The following CNTNAP5 variants were observed in gnomAD, a reference collection of about 807,000 sequenced individuals.
CNTNAP5 encodes contactin associated protein family member 5, also known as contactin-associated protein-like 5.
A neutral mutation model predicts 150.2 loss-of-function variants in CNTNAP5; 72 were observed. The observed-to-expected ratio is 0.48, with a 90% CI of 0.40 to 0.58. CNTNAP5 has a LOEUF of 0.58. Among genes scored for constraint, CNTNAP5 ranks in the 20% least tolerant of loss-of-function variants. The pLI is 0.00. For synonymous variants in CNTNAP5, 672 were observed against 619.8 expected (o/e 1.08, Z -1.25); for missense variants, 1,636 against 1,626.2 (o/e 1.01, Z -0.10).
intron 13 of CNTNAP5, among the ~76,000 whole-genome samples, chr2:124,659,956 A>G (rs1006690035): frequency 7.9e-5 from 12 of 152,030 alleles, no homozygotes; most frequent in Non-Finnish European, 1.6e-4. Context: ...GGAATAAAAC[A>G]GTTAAAAGTT....
intron 13 of CNTNAP5, among the ~76,000 whole-genome samples, chr2:124,729,110 T>C (rs1353330424): frequency 6.6e-6 from 1 of 151,990 alleles, no homozygotes; most frequent in Admixed American, 6.6e-5. Context: ...AGTCATGTAA[T>C]GTCACATCAA....
At chr2:124,880,620 G>A (rs1484002461) in intron 21 of CNTNAP5, among the ~76,000 whole-genome samples, 2 of 152,014 alleles carry the variant, frequency 1.3e-5, no homozygotes, top group African/African-American at 4.8e-5. Context: ...AACATTGTTT[G>A]TAGATAATTC....
intron 9 of CNTNAP5, among the ~76,000 whole-genome samples, chr2:124,526,167 G>C (rs1694962490): frequency 2.0e-5 from 3 of 152,166 alleles, no homozygotes; most frequent in Admixed American, 6.5e-5. Flanking sequence ...AGCGTTCTTA[G>C]AGGCAAGTTT....
At position 124,524,391 on chromosome 2, in the gene CNTNAP5, A is replaced by AC; in HGVS notation, c.1421dup (p.Ala475GlyfsTer14). The AC allele has an allele frequency of 6.2e-7, 1 of 1,613,674 alleles. No homozygotes were observed. The highest frequency in any genetic ancestry group is 8.5e-7 in the Non-Finnish European group (1 of 1,179,786). On this transcript the variant is annotated frameshift_variant, in exon 9 of 24. Transcript: ENST00000682447. LOFTEE classifies it high-confidence loss of function. ...CGCTCACTCTGGATGATGAAGCAGC[A>AC]CCCCCGGCTCCAGACAGCACTTGGG...
chr2:124,503,885 A>G (rs1042490516), intron 7 of CNTNAP5, among the ~76,000 whole-genome samples: 1 of 152,112 alleles, frequency 6.6e-6, no homozygotes, highest in East Asian at 1.9e-4. Context: ...TTGCTTGTCC[A>G]GTTATTTCTC....
At chr2:124,386,434 T>C (rs2104743391) in intron 3 of CNTNAP5, among the ~76,000 whole-genome samples, 1 of 152,328 alleles carries the variant, frequency 6.6e-6, no homozygotes, top group African/African-American at 2.4e-5. Flanking sequence ...CTGCAGAGAC[T>C]TGAAAATATG....
At chr2:124,219,539 G>T (rs1394194989) in intron 1 of CNTNAP5, among the ~76,000 whole-genome samples, 1 of 152,046 alleles carries the variant, frequency 6.6e-6, no homozygotes, top group Non-Finnish European at 1.5e-5. Flanking sequence ...GATGGATGAG[G>T]CTTAGAAGGC....
intron 13 of CNTNAP5, among the ~76,000 whole-genome samples, chr2:124,668,313 A>G (rs1269017902): frequency 6.6e-6 from 1 of 152,218 alleles, no homozygotes; most frequent in African/African-American, 2.4e-5. Flanking sequence ...TGAGGGAGGC[A>G]TAAGTGGCAG....
intron 19 of CNTNAP5, among the ~76,000 whole-genome samples, chr2:124,801,611 C>T (rs928855946): frequency 6.6e-6 from 1 of 152,070 alleles, no homozygotes; most frequent in Non-Finnish European, 1.5e-5. Context: ...TCTTTATTCC[C>T]TTCTTGTGTA....
intron 8 of CNTNAP5, among the ~76,000 whole-genome samples, chr2:124,506,630 T>C (rs1426337348): frequency 6.6e-6 from 1 of 152,200 alleles, no homozygotes; most frequent in Non-Finnish European, 1.5e-5. Flanking sequence ...TAATATGTTT[T>C]CTCCTTCCTT....
At chr2:124,373,775 G>A (rs1573951597) in intron 3 of CNTNAP5, among the ~76,000 whole-genome samples, 1 of 151,556 alleles carries the variant, frequency 6.6e-6, no homozygotes, top group African/African-American at 2.4e-5. Context: ...TCTGTATGAA[G>A]TTATTTATTA....
intron 13 of CNTNAP5, among the ~76,000 whole-genome samples, chr2:124,714,405 C>A (rs187357291): frequency 6.6e-6 from 1 of 152,192 alleles, no homozygotes; most frequent in African/African-American, 2.4e-5. Context: ...TAAATACAAC[C>A]TCTTAATTTA....
At chr2:124,725,538 C>CCT (rs1313760422) in intron 13 of CNTNAP5, among the ~76,000 whole-genome samples, 1 of 148,506 alleles carries the variant, frequency 6.7e-6, no homozygotes, top group Admixed American at 6.8e-5. Flanking sequence ...TTGTTTCCTT[C>CCT]CTCTCTCTCT....
chr2:124,524,568 A>G, intron 9 of CNTNAP5, 116 bp downstream of exon 9: 1 of 836,376 alleles, frequency 1.2e-6, no homozygotes, highest in Non-Finnish European at 1.8e-6. Flanking sequence ...CAACACACAA[A>G]CACACACACA....
chr2:124,401,822 T>C (rs1047480669), intron 3 of CNTNAP5, among the ~76,000 whole-genome samples: 2 of 152,214 alleles, frequency 1.3e-5, no homozygotes, highest in Non-Finnish European at 1.5e-5. Context: ...AGTAGCTCCA[T>C]GGTCATGGGG....
At chr2:124,900,264 T>G (rs1369974615) in intron 21 of CNTNAP5, among the ~76,000 whole-genome samples, 2 of 151,620 alleles carry the variant, frequency 1.3e-5, no homozygotes, top group East Asian at 3.9e-4. Context: ...AAAGTATTGT[T>G]TTTATCAAAT....
At chr2:124,272,723 G>A (rs1687791489) in intron 3 of CNTNAP5, among the ~76,000 whole-genome samples, 1 of 152,130 alleles carries the variant, frequency 6.6e-6, no homozygotes, top group Admixed American at 6.5e-5. Context: ...GTATCTGCCT[G>A]ACAGCACTGT....
intron 1 of CNTNAP5, among the ~76,000 whole-genome samples, chr2:124,100,957 A>G (rs571231863): frequency 6.6e-6 from 1 of 152,226 alleles, no homozygotes; most frequent in South Asian, 2.1e-4. Flanking sequence ...TTCTTAATTC[A>G]TGATTCCTGA....
At chr2:124,857,009 T>A (rs1677389485) in intron 19 of CNTNAP5, among the ~76,000 whole-genome samples, 1 of 152,118 alleles carries the variant, frequency 6.6e-6, no homozygotes, top group Non-Finnish European at 1.5e-5. Flanking sequence ...CAAAAAGCTG[T>A]CCTGGGGATC....
Sources: allele counts gnomAD v4.1 joint callset (sites outside exome capture counted in the v4.1 genomes callset), GRCh38; gene constraint gnomAD v4.1.1; transcripts MANE v1.5; gene names NCBI Gene and HGNC (gene_info 2026-07-23, HGNC 2026-07-21).